The following MRTFB variants were observed in gnomAD, a reference collection of about 807,000 sequenced individuals.
The protein encoded by MRTFB is myocardin-related transcription factor B.
MRTFB carries 29 observed loss-of-function variants against 104.2 expected under a neutral mutation model. The ratio of observed to expected loss-of-function variants is 0.28; its 90% confidence interval spans 0.21 to 0.38. The LOEUF is 0.38. Ranked by LOEUF, MRTFB falls within the 10% of genes least tolerant of loss-of-function variation. The pLI, the probability that MRTFB is intolerant of heterozygous loss-of-function variation, is 1.00. For missense variants in MRTFB, 1,270 were observed against 1,341.6 expected, an observed-to-expected ratio of 0.95 and a Z score of 0.83; for synonymous variants, 535 against 519.5, an observed-to-expected ratio of 1.03 and a Z score of -0.41.
chr16:14,036,641 A>G, the MRTFB span, among the ~76,000 whole-genome samples: 1 of 151,442 alleles, frequency 6.6e-6, no homozygotes, highest in African/African-American at 2.4e-5. Flanking sequence ...TCCATCATAT[A>G]TATGTTGAAA....
At chr16:14,196,600 C>T (rs915365853) in intron 3 of MRTFB, among the ~76,000 whole-genome samples, 2 of 152,198 alleles carry the variant, frequency 1.3e-5, no homozygotes, top group African/African-American at 4.8e-5. Flanking sequence ...TTTCAGTTAA[C>T]TTGATGTTGT....
chr16:14,033,772 G>A, the MRTFB span, among the ~76,000 whole-genome samples: 1 of 150,334 alleles, frequency 6.7e-6, no homozygotes, highest in African/African-American at 2.5e-5. Context: ...GGAGACAGAG[G>A]CTGCAGTGTG....
intron 4 of MRTFB, 80 bp from the exon 5 acceptor site, chr16:14,212,274 G>A: frequency 1.5e-6 from 2 of 1,375,856 alleles, no homozygotes; most frequent in South Asian, 1.2e-5. Context: ...TAATAATAGG[G>A]TTATCACCAT....
intron 2 of MRTFB, among the ~76,000 whole-genome samples, chr16:14,127,591 C>T (rs1289711172): frequency 3.4e-5 from 5 of 148,818 alleles, no homozygotes; most frequent in African/African-American, 7.4e-5. Context: ...TGCAGTGAGC[C>T]GAGATCATGC....
At chr16:14,171,892 A>G (rs1322474375) in intron 3 of MRTFB, among the ~76,000 whole-genome samples, 2 of 152,192 alleles carry the variant, frequency 1.3e-5, no homozygotes, top group African/African-American at 2.4e-5. Flanking sequence ...TTTAGCCTAC[A>G]GGTATATAGT....
At chr16:14,250,112 T>A (rs2043194764) in intron 13 of MRTFB, among the ~76,000 whole-genome samples, 1 of 152,336 alleles carries the variant, frequency 6.6e-6, no homozygotes, top group South Asian at 2.1e-4. Context: ...TAAGGGCTTT[T>A]TCACTAAGTC....
chr16:13,995,087 T>A, the MRTFB span, among the ~76,000 whole-genome samples: 3 of 152,170 alleles, frequency 2.0e-5, no homozygotes, highest in Non-Finnish European at 4.4e-5. Flanking sequence ...CTCTTTGTCA[T>A]CCACAAATGA....
chr16:14,249,162 A>AC, intron 13 of MRTFB, 81 bp downstream of exon 13: 1 of 1,482,988 alleles, frequency 6.7e-7, no homozygotes, highest in South Asian at 1.3e-5. Context: ...ATCTTTGTAA[A>AC]CGCCCTGGGA....
chr16:14,129,603 C>CTA (rs1405703540), intron 2 of MRTFB, among the ~76,000 whole-genome samples: 1 of 152,124 alleles, frequency 6.6e-6, no homozygotes, highest in Non-Finnish European at 1.5e-5. Flanking sequence ...TTATGTTTAA[C>CTA]ATTTTAAGGT....
rs375447024 is a variant in MRTFB at position 14,172,385 on chromosome 16, A to C, written c.154+31625A>C. Reference sequence around the variant, plus strand: ...GATCTTCCTTGTTTTTAACAGCTATATAGTATTCCATTGTATGGTTGTACC... The same window carrying C: ...GATCTTCCTTGTTTTTAACAGCTATCTAGTATTCCATTGTATGGTTGTACC... On this transcript the variant is annotated intron_variant, in intron 3 of 16. Coordinates refer to ENST00000571589, the MANE Select transcript of MRTFB (RefSeq NM_001308142.2). Among the ~76,000 whole-genome samples the C allele has an allele frequency of 7.9e-5, 12 of 152,302 alleles. No homozygotes were observed. The East Asian group carries it at 2.3e-3, about 29-fold the overall frequency.
At chr16:13,996,293 G>T in the MRTFB span, among the ~76,000 whole-genome samples, 1 of 144,630 alleles carries the variant, frequency 6.9e-6, no homozygotes, top group Non-Finnish European at 1.5e-5. Context: ...CAACAACAAA[G>T]AAAAAAAAAA....
At chr16:14,154,905 C>G (rs1344399963) in intron 3 of MRTFB, among the ~76,000 whole-genome samples, 1 of 152,192 alleles carries the variant, frequency 6.6e-6, no homozygotes, top group East Asian at 1.9e-4. Flanking sequence ...TCTGGCAAGA[C>G]AGAGTGATAA....
intron 8 of MRTFB, among the ~76,000 whole-genome samples, chr16:14,221,311 T>TCTAC (rs1260388049): frequency 6.6e-6 from 1 of 152,260 alleles, no homozygotes; most frequent in African/African-American, 2.4e-5. Context: ...AATATATTTA[T>TCTAC]CTACCTAAAT....
chr16:14,046,429 A>G, the MRTFB span, among the ~76,000 whole-genome samples: 2 of 152,240 alleles, frequency 1.3e-5, no homozygotes, highest in South Asian at 4.1e-4. Flanking sequence ...CCATCCCTAT[A>G]AACTCCAATT....
Position 14,248,964 on chromosome 16 carries a change from A to G in MRTFB, c.2286A>G (p.Ile762Met), listed in dbSNP as rs778922148. ...CAGGAATGCAGACTCAGCCTCAGAT[A>G]GCAACTGCTGCACAAATACCAACTG... ...PQAGMQTQPQ[I>M]ATAAQIPTAA... Residue 762 changes from isoleucine to methionine, a missense_variant, in exon 13 of 17, where the codon ATA (isoleucine) becomes ATG (methionine). Ile to Met is a conservative substitution (Grantham distance 10). Transcript: ENST00000571589. 6 of 1,614,068 alleles carry G rather than the reference A, an allele frequency of 3.7e-6. No homozygotes were observed. The South Asian group carries it at 6.6e-5, about 18-fold the overall frequency.
At chr16:14,171,641 T>C (rs2039426669) in intron 3 of MRTFB, among the ~76,000 whole-genome samples, 1 of 152,234 alleles carries the variant, frequency 6.6e-6, no homozygotes, top group Non-Finnish European at 1.5e-5. Flanking sequence ...TATGTATTTG[T>C]AACTCCACTC....
intron 2 of MRTFB, among the ~76,000 whole-genome samples, chr16:14,105,245 T>A (rs1462854078): frequency 1.3e-5 from 2 of 152,194 alleles, no homozygotes; most frequent in Admixed American, 6.5e-5. Context: ...TTGCTGTCTT[T>A]TAAATTAGAC....
intron 15 of MRTFB, among the ~76,000 whole-genome samples, chr16:14,256,709 C>T (rs2043510458): frequency 6.6e-6 from 1 of 152,190 alleles, no homozygotes; most frequent in Admixed American, 6.5e-5. Flanking sequence ...ATGAAAGACC[C>T]GAAGCCAGAA....
the MRTFB span, among the ~76,000 whole-genome samples, chr16:14,062,233 C>T: frequency 6.6e-6 from 1 of 152,284 alleles, no homozygotes; most frequent in South Asian, 2.1e-4. Context: ...GCTGAGACTC[C>T]AGGCACCTGC....
Sources: gnomAD v4.1 joint callset for allele counts (sites outside exome capture counted in the v4.1 genomes callset) on GRCh38, gnomAD v4.1.1 for gene constraint, MANE v1.5 for transcripts, NCBI Gene and HGNC (gene_info 2026-07-23, HGNC 2026-07-21) for gene names.